Variants in GPRIN3 observed in about 807,000 individuals in gnomAD.
GPRIN3 encodes the protein G protein-regulated inducer of neurite outgrowth 3.
Under a neutral mutation model 13.7 loss-of-function variants are expected in GPRIN3, and 12 were observed. The observed-to-expected ratio is 0.87, with a 90% confidence interval of 0.56 to 1.42. The LOEUF (loss-of-function observed/expected upper bound fraction) is 1.42. Among genes scored for constraint, GPRIN3 ranks in the 40% most tolerant of loss-of-function variants. GPRIN3 has a pLI of 0.00. For synonymous variants in GPRIN3, 377 were observed against 372.7 expected (o/e 1.01, Z -0.13); for missense variants, 1,009 against 958.7 (o/e 1.05, Z -0.69).
At chr4:89,265,218 A>G (rs1301987308) in intron 1 of GPRIN3, among the ~76,000 whole-genome samples, 1 of 152,106 alleles carries the variant, frequency 6.6e-6, no homozygotes, top group Non-Finnish European at 1.5e-5. Context: ...ACTATTCTCA[A>G]TTTTCACTTA....
chr4:89,303,115 G>A (rs1724942801), intron 1 of GPRIN3, among the ~76,000 whole-genome samples: 1 of 151,968 alleles, frequency 6.6e-6, no homozygotes, highest in Admixed American at 6.6e-5. Flanking sequence ...ATAACTGTTA[G>A]GGTACAGCAA....
At chr4:89,280,018 G>C (rs1283785831) in intron 1 of GPRIN3, among the ~76,000 whole-genome samples, 1 of 152,114 alleles carries the variant, frequency 6.6e-6, no homozygotes, top group African/African-American at 2.4e-5. Context: ...TCACTTCTAA[G>C]CTTGTTCTTC....
intron 1 of GPRIN3, among the ~76,000 whole-genome samples, chr4:89,289,198 T>C (rs1483703304): frequency 6.6e-6 from 1 of 150,920 alleles, no homozygotes; most frequent in Non-Finnish European, 1.5e-5. Flanking sequence ...GCCAGGCATC[T>C]CCCTTTCCTC....
At chr4:89,266,078 C>T (rs961910363) in intron 1 of GPRIN3, among the ~76,000 whole-genome samples, 3 of 152,104 alleles carry the variant, frequency 2.0e-5, no homozygotes, top group Non-Finnish European at 4.4e-5. Flanking sequence ...ATTCTCAGTA[C>T]TGCTTATAGG....
At chr4:89,254,961 G>A (rs1723427505) in intron 1 of GPRIN3, among the ~76,000 whole-genome samples, 1 of 152,106 alleles carries the variant, frequency 6.6e-6, no homozygotes, top group Non-Finnish European at 1.5e-5. Context: ...ACTAGGTGGC[G>A]CTGAGAAGAA....
intron 1 of GPRIN3, among the ~76,000 whole-genome samples, chr4:89,270,288 T>G (rs1320580140): frequency 6.6e-6 from 1 of 151,526 alleles, no homozygotes; most frequent in Non-Finnish European, 1.5e-5. Flanking sequence ...ACCTGGCGAC[T>G]AAGTAAGTCT....
intron 1 of GPRIN3, among the ~76,000 whole-genome samples, chr4:89,252,275 T>C (rs1723350028): frequency 6.6e-6 from 1 of 152,152 alleles, no homozygotes; most frequent in South Asian, 2.1e-4. Flanking sequence ...ACCTGGCCTA[T>C]AAGCATTTTT....
chr4:89,306,711 T>C (rs187935591), intron 1 of GPRIN3, among the ~76,000 whole-genome samples: 2 of 152,268 alleles, frequency 1.3e-5, no homozygotes, highest in Admixed American at 1.3e-4. Context: ...CCTCGGCTGC[T>C]TTGTGGACAT....
chr4:89,257,576 T>A (rs1460496571), intron 1 of GPRIN3, among the ~76,000 whole-genome samples: 1 of 152,232 alleles, frequency 6.6e-6, no homozygotes, highest in Admixed American at 6.5e-5. Flanking sequence ...GCTTTGCAGA[T>A]CTGGAATCTG....
chr4:89,302,512 G>A (rs1183662189), intron 1 of GPRIN3, among the ~76,000 whole-genome samples: 1 of 152,096 alleles, frequency 6.6e-6, no homozygotes, highest in African/African-American at 2.4e-5. Context: ...ATTTATAACT[G>A]CCTGGTAATA....
Position 89,247,752 on chromosome 4 carries a change from A to G in GPRIN3, c.*28T>C. On this transcript the variant is annotated 3_prime_UTR_variant, in exon 2 of 2. Coordinates refer to ENST00000609438, the MANE Select transcript of GPRIN3 (RefSeq NM_198281.3). ...GGACGCATGTGAATACCGTAAATTT[A>G]TACACAAACTCCCATAAATACTCCC... The G allele has an allele frequency of 6.4e-7, 1 of 1,569,124 alleles. No homozygotes were observed. The highest frequency in any genetic ancestry group is 1.7e-4 in the Middle Eastern group (1 of 5,824).
At chr4:89,253,891 A>C (rs1223158742) in intron 1 of GPRIN3, among the ~76,000 whole-genome samples, 6 of 152,156 alleles carry the variant, frequency 3.9e-5, no homozygotes, top group Non-Finnish European at 8.8e-5. Flanking sequence ...CGAAGTTCTG[A>C]ACCAACACTC....
At chr4:89,260,673 T>C (rs150711440) in intron 1 of GPRIN3, among the ~76,000 whole-genome samples, 8 of 152,344 alleles carry the variant, frequency 5.3e-5, no homozygotes, top group South Asian at 2.1e-4. Flanking sequence ...GGCCAATATT[T>C]CTAATTCAAT....
At chr4:89,283,974 A>G (rs1213849412) in intron 1 of GPRIN3, among the ~76,000 whole-genome samples, 1 of 152,236 alleles carries the variant, frequency 6.6e-6, no homozygotes, top group East Asian at 1.9e-4. Flanking sequence ...GGACCTAGAA[A>G]TACTGAAGAG....
chr4:89,274,265 C>G (rs1459842093), intron 1 of GPRIN3, among the ~76,000 whole-genome samples: 1 of 152,186 alleles, frequency 6.6e-6, no homozygotes, highest in Non-Finnish European at 1.5e-5. Flanking sequence ...TTGTGTTTAA[C>G]TGTGCTTGTT....
intron 1 of GPRIN3, among the ~76,000 whole-genome samples, chr4:89,288,947 C>T (rs1724497336): frequency 6.6e-6 from 1 of 152,064 alleles, no homozygotes; most frequent in African/African-American, 2.4e-5. Flanking sequence ...TTTTATTCTT[C>T]ATCTACCTTG....
rs142017229 is a variant in GPRIN3, at chr4:89,297,237, C to T, written c.-124+10378G>A. Among the ~76,000 whole-genome samples, 793 of 152,200 alleles carry T rather than the reference C, an allele frequency of 5.2e-3. 3 individuals are homozygous for T. The highest frequency in any genetic ancestry group is 0.037 in the Middle Eastern group (11 of 294). ...TAGCAAGACGTCACTGGCAGATAAG[C>T]CTGAAGAATAAAATTTTTAAGGATT... On this transcript the variant is annotated intron_variant, in intron 1 of 1. Transcript: ENST00000609438.
chr4:89,267,276 G>C (rs1723805831), intron 1 of GPRIN3, among the ~76,000 whole-genome samples: 1 of 152,174 alleles, frequency 6.6e-6, no homozygotes, highest in African/African-American at 2.4e-5. Context: ...AAATTGAGAA[G>C]GGTGTTCCTC....
intron 1 of GPRIN3, among the ~76,000 whole-genome samples, chr4:89,261,789 C>T (rs572727045): frequency 3.4e-4 from 52 of 152,152 alleles, no homozygotes; most frequent in African/African-American, 1.2e-3. Context: ...TACTAAGCAG[C>T]CATACTCAGT....
Sources: allele counts gnomAD v4.1 joint callset (sites outside exome capture counted in the v4.1 genomes callset), GRCh38; gene constraint gnomAD v4.1.1; transcripts MANE v1.5; gene names NCBI Gene and HGNC (gene_info 2026-07-23, HGNC 2026-07-21).